Variants in GRIP1 observed in about 807,000 individuals in gnomAD.
GRIP1 encodes the protein glutamate receptor interacting protein 1, also known as glutamate receptor-interacting protein 1.
A neutral mutation model predicts 129.9 loss-of-function variants in GRIP1; 45 were observed. The ratio of observed to expected loss-of-function variants is 0.35; its 90% confidence interval spans 0.27 to 0.44. The LOEUF is 0.44. GRIP1 is among the 20% of genes least tolerant of loss of function. The pLI is 1.00. For missense variants in GRIP1, 1,196 were observed against 1,396.8 expected (o/e 0.86, Z 2.29); for synonymous variants, 530 against 520.8 (o/e 1.02, Z -0.24).
At chr12:66,625,888 G>A (rs1231358586) in intron 1 of GRIP1, among the ~76,000 whole-genome samples, 3 of 151,884 alleles carry the variant, frequency 2.0e-5, no homozygotes, top group South Asian at 2.1e-4. Flanking sequence ...TAAGAATTTC[G>A]GGTACTGAGA....
chr12:66,775,032 T>C (rs763027761), intron 1 of GRIP1, among the ~76,000 whole-genome samples: 11 of 152,106 alleles, frequency 7.2e-5, no homozygotes, highest in Non-Finnish European at 1.0e-4. Context: ...TTTGGAAAGA[T>C]GGAGGTAAAT....
At chr12:66,749,271 A>G (rs1230187027) in intron 1 of GRIP1, among the ~76,000 whole-genome samples, 5 of 152,204 alleles carry the variant, frequency 3.3e-5, no homozygotes, top group Non-Finnish European at 5.9e-5. Context: ...GGCATAAAGG[A>G]AATGTTGAAT....
chr12:67,068,946 C>A, intron 1 of GRIP1: 2 of 387,112 alleles, frequency 5.2e-6, no homozygotes. Flanking sequence ...GCCCCTCCCC[C>A]GTCGGCGGGT....
At position 66,745,121 on chromosome 12, in the gene GRIP1, T is replaced by C. The variant is rs1303438083; in HGVS notation, c.-420+58932A>G. On this transcript the variant is annotated intron_variant, in intron 1 of 4. Coordinates refer to the GRIP1 transcript ENST00000538373. ...CAACACGGAGATTTCTATGGCTCCC[T>C]GGTGGTAAAGCTGCCAAATTACCTC... Among the ~76,000 whole-genome samples, 10 of 152,240 alleles carry C rather than the reference T, an allele frequency of 6.6e-5. No homozygotes were observed. The East Asian group carries it at 1.9e-3, about 29-fold the overall frequency.
intron 11 of GRIP1, among the ~76,000 whole-genome samples, chr12:66,450,647 T>C (rs2058766279): frequency 6.6e-6 from 1 of 152,012 alleles, no homozygotes; most frequent in African/African-American, 2.4e-5. Flanking sequence ...TATAGCATTG[T>C]AGTAAATAAT....
intron 1 of GRIP1, among the ~76,000 whole-genome samples, chr12:67,029,378 T>C (rs554206306): frequency 1.2e-4 from 19 of 152,116 alleles, no homozygotes; most frequent in Non-Finnish European, 2.4e-4. Context: ...CTTCCCAAAG[T>C]GCCAGGATTA....
intron 1 of GRIP1, among the ~76,000 whole-genome samples, chr12:66,648,953 T>G (rs1299404228): frequency 1.3e-5 from 2 of 152,214 alleles, no homozygotes; most frequent in African/African-American, 4.8e-5. Context: ...ACAAGTTTAT[T>G]TGGTGACTTT....
intron 12 of GRIP1, 39 bp downstream of exon 12, chr12:66,445,283 G>T: frequency 6.5e-7 from 1 of 1,534,308 alleles, no homozygotes; most frequent in Non-Finnish European, 9.0e-7. Context: ...TACCAGAAAC[G>T]CAGAGCAGAA....
intron 1 of GRIP1, among the ~76,000 whole-genome samples, chr12:66,994,879 A>G (rs1424535484): frequency 6.6e-6 from 1 of 152,078 alleles, no homozygotes; most frequent in Admixed American, 6.6e-5. Context: ...GACTCAAAAT[A>G]GCCAAAATAA....
chr12:66,957,396 A>G (rs1604843), intron 1 of GRIP1, among the ~76,000 whole-genome samples: 104,990 of 150,918 alleles, frequency 0.7, 37,403 homozygotes, highest in African/African-American at 0.85. Flanking sequence ...TACTTTATTC[A>G]GATTTTCTTA....
At chr12:67,045,273 T>C (rs1380883043) in intron 1 of GRIP1, among the ~76,000 whole-genome samples, 1 of 152,052 alleles carries the variant, frequency 6.6e-6, no homozygotes, top group Non-Finnish European at 1.5e-5. Context: ...GGTAAAGAAA[T>C]AGGGATAAGG....
At chr12:66,758,572 C>A (rs1017502867) in intron 1 of GRIP1, among the ~76,000 whole-genome samples, 1 of 152,108 alleles carries the variant, frequency 6.6e-6, no homozygotes, top group Non-Finnish European at 1.5e-5. Context: ...AGCATTAACC[C>A]AAAAGTCCAT....
At chr12:66,870,213 A>G (rs1296779023) in intron 1 of GRIP1, among the ~76,000 whole-genome samples, 1 of 152,112 alleles carries the variant, frequency 6.6e-6, no homozygotes, top group Non-Finnish European at 1.5e-5. Flanking sequence ...ATACCATGAG[A>G]CAGTTGGGGC....
chr12:66,368,803 CA>C (rs2055301667), intron 23 of GRIP1, among the ~76,000 whole-genome samples: 1 of 152,240 alleles, frequency 6.6e-6, no homozygotes, highest in Admixed American at 6.5e-5. Flanking sequence ...CCACATTCAA[CA>C]CACACACAAT....
chr12:66,622,446 A>G (rs1807301185), intron 1 of GRIP1, among the ~76,000 whole-genome samples: 1 of 152,182 alleles, frequency 6.6e-6, no homozygotes, highest in South Asian at 2.1e-4. Context: ...TGCAACACAA[A>G]AAAAGATAAT....
chr12:66,590,788 C>T (rs2063823667), intron 2 of GRIP1, among the ~76,000 whole-genome samples: 2 of 152,166 alleles, frequency 1.3e-5, no homozygotes, highest in African/African-American at 2.4e-5. Flanking sequence ...ATTCATTAGT[C>T]TTGGGCAGCA....
intron 1 of GRIP1, among the ~76,000 whole-genome samples, chr12:66,725,297 T>A (rs913084205): frequency 2.0e-5 from 3 of 152,014 alleles, no homozygotes; most frequent in African/African-American, 7.3e-5. Flanking sequence ...AGTAAGAGCC[T>A]GTCTCAAAAA....
At chr12:66,364,058 C>T (rs1304013066) in intron 23 of GRIP1, among the ~76,000 whole-genome samples, 1 of 151,708 alleles carries the variant, frequency 6.6e-6, no homozygotes, top group Non-Finnish European at 1.5e-5. Context: ...CAAGACCAGC[C>T]AGTCTGAGAC....
intron 1 of GRIP1, among the ~76,000 whole-genome samples, chr12:66,825,363 A>G (rs909561890): frequency 6.6e-6 from 1 of 152,200 alleles, no homozygotes; most frequent in African/African-American, 2.4e-5. Flanking sequence ...TTAAATACAA[A>G]GTCTGCCAAT....
Sources: gnomAD v4.1 joint callset for allele counts (sites outside exome capture counted in the v4.1 genomes callset) on GRCh38, gnomAD v4.1.1 for gene constraint, MANE v1.5 for transcripts, NCBI Gene and HGNC (gene_info 2026-07-23, HGNC 2026-07-21) for gene names.